ANKS1B: variants seen among roughly 807,000 people sequenced by gnomAD.
ANKS1B encodes the protein ankyrin repeat and sterile alpha motif domain containing 1B, also known as ankyrin repeat and sterile alpha motif domain-containing protein 1B.
In ANKS1B, 36 loss-of-function variants were observed where a neutral mutation model predicts 148.3. The observed-to-expected ratio is 0.24, with a 90% CI of 0.19 to 0.32. The LOEUF is 0.32. ANKS1B is among the 10% of genes least tolerant of loss of function. The pLI, the probability that ANKS1B is intolerant of heterozygous loss-of-function variation, is 1.00. For missense variants in ANKS1B, 1,157 were observed against 1,542.6 expected, an observed-to-expected ratio of 0.75 and a Z score of 4.19; for synonymous variants, 542 against 560.8, an observed-to-expected ratio of 0.97 and a Z score of 0.47.
At chr12:99,751,075 T>C (rs1296935074) in intron 8 of ANKS1B, among the ~76,000 whole-genome samples, 1 of 152,006 alleles carries the variant, frequency 6.6e-6, no homozygotes, top group Admixed American at 6.6e-5. Context: ...ATAAAATATT[T>C]TAATATTCAT....
At position 98,986,929 on chromosome 12, in the gene ANKS1B, G is replaced by T. The variant is rs181035804; in HGVS notation, c.2778+66228C>A. ...CCACCATGGCTGGCTGACCTTTTAAGACTAGAGTCATAGTTATTTTGAAGC... is the reference window on the plus strand; with the variant it reads ...CCACCATGGCTGGCTGACCTTTTAATACTAGAGTCATAGTTATTTTGAAGC... On this transcript the variant is annotated intron_variant, in intron 17 of 26. Transcript: ENST00000683438. Among the ~76,000 whole-genome samples the T allele has an allele frequency of 2.0e-3, 302 of 152,062 alleles. 1 individual carries two copies. The highest frequency in any genetic ancestry group is 6.9e-3 in the African/African-American group (288 of 41,514).
At chr12:99,591,417 T>A (rs1280145024) in intron 9 of ANKS1B, among the ~76,000 whole-genome samples, 1 of 152,060 alleles carries the variant, frequency 6.6e-6, no homozygotes, top group African/African-American at 2.4e-5. Context: ...TTATAACAAG[T>A]GTTATTTTCA....
chr12:99,632,768 T>TATA (rs1282777183), intron 9 of ANKS1B, among the ~76,000 whole-genome samples: 1 of 100,432 alleles, frequency 1.0e-5, no homozygotes, highest in African/African-American at 3.4e-5. Flanking sequence ...TATATATATA[T>TATA]TTTAATTATA....
At chr12:99,240,844 A>T (rs2089162993) in intron 14 of ANKS1B, among the ~76,000 whole-genome samples, 1 of 152,220 alleles carries the variant, frequency 6.6e-6, no homozygotes, top group African/African-American at 2.4e-5. Context: ...GTTCTTTGAA[A>T]CCAATGAGAA....
intron 1 of ANKS1B, among the ~76,000 whole-genome samples, chr12:99,958,668 A>C (rs772784214): frequency 8.5e-5 from 13 of 152,334 alleles, no homozygotes; most frequent in Non-Finnish European, 1.9e-4. Context: ...TACAGATGTA[A>C]GCCACTGTGC....
At chr12:99,881,638 T>G (rs1452426984) in intron 1 of ANKS1B, among the ~76,000 whole-genome samples, 2 of 152,120 alleles carry the variant, frequency 1.3e-5, no homozygotes. Context: ...ACTTGAGAAA[T>G]GAATTAAACT....
intron 12 of ANKS1B, among the ~76,000 whole-genome samples, chr12:99,353,828 A>C (rs1592930943): frequency 6.6e-6 from 1 of 152,008 alleles, no homozygotes; most frequent in East Asian, 1.9e-4. Context: ...TGATGTACTC[A>C]CATTTTTCTC....
rs71462268 is a variant in ANKS1B, at chr12:99,207,879, A to G, written c.2419+36463T>C. Among the ~76,000 whole-genome samples, 897 of 152,194 alleles carry G rather than the reference A, an allele frequency of 5.9e-3. 5 individuals carry two copies. The highest frequency in any genetic ancestry group is 0.011 in the Admixed American group (168 of 15,284). The stretch of plus-strand genomic sequence containing the variant: ...ACAACTGAATGAATAAGAAATTTGT[A>G]GACAGTTTGTTGAAGATGAATCTTG... On this transcript the variant is annotated intron_variant, in intron 14 of 26. Coordinates refer to ENST00000683438, the MANE Select transcript of ANKS1B (RefSeq NM_001352186.2).
At chr12:99,514,459 C>T (rs573013499) in intron 9 of ANKS1B, among the ~76,000 whole-genome samples, 17 of 152,160 alleles carry the variant, frequency 1.1e-4, no homozygotes, top group African/African-American at 3.9e-4. Context: ...TATATTTATG[C>T]AGTGTTTTAT....
At chr12:98,848,433 AATG>A (rs2099495899) in intron 17 of ANKS1B, among the ~76,000 whole-genome samples, 1 of 152,200 alleles carries the variant, frequency 6.6e-6, no homozygotes, top group African/African-American at 2.4e-5. Flanking sequence ...ATGTGTAATT[AATG>A]ATGAAAATGC....
At chr12:99,283,208 A>G (rs1602395034) in intron 12 of ANKS1B, among the ~76,000 whole-genome samples, 2 of 152,314 alleles carry the variant, frequency 1.3e-5, no homozygotes, top group South Asian at 2.1e-4. Context: ...GAAAGCATAC[A>G]TAAGATCTAG....
chr12:99,135,455 A>G (rs2067703885), intron 15 of ANKS1B, among the ~76,000 whole-genome samples: 1 of 152,258 alleles, frequency 6.6e-6, no homozygotes, highest in East Asian at 1.9e-4. Flanking sequence ...ACTCAGTCAC[A>G]TCTTAGTGAC....
At chr12:99,915,141 C>A (rs1281018670) in intron 1 of ANKS1B, among the ~76,000 whole-genome samples, 1 of 148,994 alleles carries the variant, frequency 6.7e-6, no homozygotes, top group Non-Finnish European at 1.5e-5. Flanking sequence ...AAGAGAATCA[C>A]TTGAACTCGC....
intron 11 of ANKS1B, among the ~76,000 whole-genome samples, chr12:99,417,516 T>C (rs955948927): frequency 2.6e-5 from 4 of 152,244 alleles, no homozygotes; most frequent in Non-Finnish European, 5.9e-5. Context: ...CTTTCGATTT[T>C]TTTTTAGTTA....
intron 12 of ANKS1B, among the ~76,000 whole-genome samples, chr12:99,350,170 C>A (rs928347710): frequency 1.3e-5 from 2 of 151,908 alleles, no homozygotes; most frequent in Admixed American, 1.3e-4. Context: ...AGCACCTCCC[C>A]CTTCTTTCTC....
chr12:99,037,080 G>A (rs778236453), intron 17 of ANKS1B, among the ~76,000 whole-genome samples: 14 of 152,110 alleles, frequency 9.2e-5, no homozygotes, highest in Non-Finnish European at 1.8e-4. Context: ...GTTAGACTAG[G>A]GCTATGCAAA....
At chr12:99,765,919 C>T (rs2062599489) in intron 8 of ANKS1B, among the ~76,000 whole-genome samples, 1 of 152,112 alleles carries the variant, frequency 6.6e-6, no homozygotes, top group Non-Finnish European at 1.5e-5. Context: ...TTCCAAAGGT[C>T]ACCCTGCTAG....
In ANKS1B at chr12:99,453,183, C is replaced by T. The variant is rs188690134; in HGVS notation, c.1439-9374G>A. On this transcript the variant is annotated intron_variant, in intron 10 of 26. Coordinates refer to ENST00000683438, the MANE Select transcript of ANKS1B (RefSeq NM_001352186.2). ...TGGGTGCCTGTAGTCCCAGCTACTC[C>T]GGAGGCTGAGCCAGGAGAATGGTGT... Among the ~76,000 whole-genome samples, 349 of 151,796 alleles carry T rather than the reference C, an allele frequency of 2.3e-3. 2 individuals carry two copies. The highest frequency in any genetic ancestry group is 8.1e-3 in the African/African-American group (337 of 41,400).
intron 1 of ANKS1B, among the ~76,000 whole-genome samples, chr12:99,826,461 A>C (rs1275298334): frequency 1.3e-5 from 2 of 152,358 alleles, no homozygotes; most frequent in East Asian, 3.9e-4. Context: ...AATTAAAAGA[A>C]GAATTAATGA....
Sources: allele counts gnomAD v4.1 joint callset (sites outside exome capture counted in the v4.1 genomes callset), GRCh38; gene constraint gnomAD v4.1.1; transcripts MANE v1.5; gene names NCBI Gene and HGNC (gene_info 2026-07-23, HGNC 2026-07-21).